Variants in PCDH7 observed in about 807,000 individuals in gnomAD.
PCDH7 encodes protocadherin-7.
In PCDH7, 17 loss-of-function variants were observed where a neutral mutation model predicts 58.9. The observed-to-expected ratio is 0.29, with a 90% CI of 0.20 to 0.43. The LOEUF (loss-of-function observed/expected upper bound fraction) is 0.43, where lower values mean the gene tolerates loss of function less well. Among genes scored for constraint, PCDH7 ranks in the 20% least tolerant of loss-of-function variants. PCDH7 has a pLI of 1.00. For missense variants in PCDH7, 1,274 were observed against 1,441.0 expected (o/e 0.88, Z 1.88); for synonymous variants, 664 against 616.4 (o/e 1.08, Z -1.14).
At chr4:30,783,188 T>TA (rs35331761) in intron 1 of PCDH7, 1 of 152,024 alleles carries the variant, frequency 6.6e-6, no homozygotes, top group South Asian at 2.1e-4. Flanking sequence ...TTCCTAGTAT[T>TA]AAAAAAGAAA....
At chr4:31,042,291 A>T (rs768085915) in intron 3 of PCDH7, among the ~76,000 whole-genome samples, 5 of 152,206 alleles carry the variant, frequency 3.3e-5, no homozygotes, top group Non-Finnish European at 7.3e-5. Context: ...TTAGAGTAAC[A>T]GCAGTGAGTC....
intron 3 of PCDH7, among the ~76,000 whole-genome samples, chr4:31,067,810 A>G (rs2109247691): frequency 6.6e-6 from 1 of 152,098 alleles, no homozygotes; most frequent in East Asian, 1.9e-4. Context: ...CTAAGATATC[A>G]TAGAAAATTG....
chr4:31,116,153 C>G (rs1220473234), intron 3 of PCDH7, among the ~76,000 whole-genome samples: 2 of 152,160 alleles, frequency 1.3e-5, no homozygotes, highest in Non-Finnish European at 2.9e-5. Flanking sequence ...TCTGACACTA[C>G]AAGAGTCTGT....
chr4:30,852,607 C>T (rs530924667), intron 1 of PCDH7, among the ~76,000 whole-genome samples: 6 of 152,008 alleles, frequency 3.9e-5, no homozygotes, highest in Admixed American at 3.3e-4. Flanking sequence ...ATTATTGAAT[C>T]ATAATGGTCC....
chr4:30,785,982 G>A (rs889242981), intron 1 of PCDH7, among the ~76,000 whole-genome samples: 17 of 152,194 alleles, frequency 1.1e-4, no homozygotes, highest in African/African-American at 4.1e-4. Context: ...AAATTGACCT[G>A]TTGGTCAGGC....
intron 1 of PCDH7, among the ~76,000 whole-genome samples, chr4:30,869,253 C>T (rs1162266400): frequency 6.6e-6 from 1 of 151,840 alleles, no homozygotes; most frequent in African/African-American, 2.4e-5. Flanking sequence ...GTAGTTTAGC[C>T]TGTGTAAACT....
intron 1 of PCDH7, among the ~76,000 whole-genome samples, chr4:30,853,059 A>G (rs1203185768): frequency 6.6e-6 from 1 of 152,060 alleles, no homozygotes; most frequent in Non-Finnish European, 1.5e-5. Flanking sequence ...ATGATTGATT[A>G]GAGACACCTG....
At chr4:31,121,818 C>T (rs1717724104) in intron 3 of PCDH7, among the ~76,000 whole-genome samples, 1 of 151,988 alleles carries the variant, frequency 6.6e-6, no homozygotes, top group Non-Finnish European at 1.5e-5. Context: ...TAAGGAGTTC[C>T]ATTTTGTAGG....
intron 1 of PCDH7, among the ~76,000 whole-genome samples, chr4:30,867,882 G>T (rs13149475): frequency 0.23 from 35,326 of 151,868 alleles, 4,188 homozygotes; most frequent in Middle Eastern, 0.26. Context: ...TCTGGATTAG[G>T]ATGCAGTTTA....
At chr4:30,908,827 T>G (rs1265209705) in intron 1 of PCDH7, among the ~76,000 whole-genome samples, 1 of 152,170 alleles carries the variant, frequency 6.6e-6, no homozygotes, top group Non-Finnish European at 1.5e-5. Flanking sequence ...CCCTAACTCA[T>G]TTTGTGAGGC....
At chr4:30,808,419 T>C (rs953234211) in intron 1 of PCDH7, among the ~76,000 whole-genome samples, 1 of 152,204 alleles carries the variant, frequency 6.6e-6, no homozygotes, top group Non-Finnish European at 1.5e-5. Context: ...TGCTGTTTTT[T>C]TCTTCAAGAT....
chr4:31,127,844 G>A (rs562581641), intron 3 of PCDH7, among the ~76,000 whole-genome samples: 52 of 152,062 alleles, frequency 3.4e-4, no homozygotes, highest in Middle Eastern at 3.4e-3. Flanking sequence ...TATAGCAAAT[G>A]TCATAGGATA....
chr4:31,126,483 T>C (rs1457576984), intron 3 of PCDH7, among the ~76,000 whole-genome samples: 1 of 152,160 alleles, frequency 6.6e-6, no homozygotes, highest in Non-Finnish European at 1.5e-5. Flanking sequence ...TATGAATAAA[T>C]ATAGTTTTGG....
intron 3 of PCDH7, among the ~76,000 whole-genome samples, chr4:31,019,171 GA>G (rs1179742811): frequency 4.0e-5 from 6 of 148,302 alleles, no homozygotes; most frequent in South Asian, 2.1e-4. Flanking sequence ...TAACTGCAAA[GA>G]AAAAAAAAGA....
At chr4:31,130,976 A>G (rs1718912049) in intron 3 of PCDH7, among the ~76,000 whole-genome samples, 1 of 152,136 alleles carries the variant, frequency 6.6e-6, no homozygotes, top group Admixed American at 6.5e-5. Context: ...CCCCTTTACC[A>G]TGTTACCTAA....
At chr4:30,894,434 GC>G (rs1739021316) in intron 1 of PCDH7, among the ~76,000 whole-genome samples, 1 of 123,408 alleles carries the variant, frequency 8.1e-6, no homozygotes, top group Non-Finnish European at 1.6e-5. Flanking sequence ...TGAGGCCAAG[GC>G]CCTGGTCTGG....
chr4:30,745,471 G>A (rs1227656286), intron 1 of PCDH7, among the ~76,000 whole-genome samples: 1 of 152,044 alleles, frequency 6.6e-6, no homozygotes, highest in African/African-American at 2.4e-5. Flanking sequence ...ACTGGTTGAT[G>A]ACAGCTTTTA....
chr4:30,860,317 T>C (rs558548050), intron 1 of PCDH7, among the ~76,000 whole-genome samples: 4 of 152,216 alleles, frequency 2.6e-5, no homozygotes, highest in South Asian at 4.2e-4. Context: ...AACTCTCTGA[T>C]TGTCAAAAAA....
chr4:30,973,995 G>C (rs1192903135), intron 3 of PCDH7, among the ~76,000 whole-genome samples: 1 of 151,906 alleles, frequency 6.6e-6, no homozygotes, highest in Non-Finnish European at 1.5e-5. Flanking sequence ...GCTTGAGGGT[G>C]GGAAGTGTAA....
Sources: gnomAD v4.1 joint callset for allele counts (sites outside exome capture counted in the v4.1 genomes callset) on GRCh38, gnomAD v4.1.1 for gene constraint, MANE v1.5 for transcripts, NCBI Gene and HGNC (gene_info 2026-07-23, HGNC 2026-07-21) for gene names.